ATP6V1C2: variants seen among roughly 807,000 people sequenced by gnomAD.
ATP6V1C2 encodes the protein ATPase H+ transporting V1 subunit C2.
A neutral mutation model predicts 56.8 loss-of-function variants in ATP6V1C2; 45 were observed. The ratio of observed to expected loss-of-function variants is 0.79; its 90% CI spans 0.62 to 1.02. The LOEUF is 1.02. Among genes scored for constraint, ATP6V1C2 ranks in the 50% least tolerant of loss-of-function variants. The probability of loss-of-function intolerance (pLI) is 0.00; values close to 1 mark genes in which losing one functional copy is unlikely to be tolerated. For missense variants in ATP6V1C2, 463 were observed against 519.7 expected (o/e 0.89, Z 1.06); for synonymous variants, 220 against 201.3 (o/e 1.09, Z -0.79).
chr2:10,738,406 G>T (rs1457156046), intron 3 of ATP6V1C2, among the ~76,000 whole-genome samples: 1 of 152,182 alleles, frequency 6.6e-6, no homozygotes, highest in Non-Finnish European at 1.5e-5. Context: ...ATGTTGGCTG[G>T]CCACTTTAGG....
At chr2:10,761,049 C>G (rs1260096526) in intron 4 of ATP6V1C2, among the ~76,000 whole-genome samples, 1 of 152,160 alleles carries the variant, frequency 6.6e-6, no homozygotes, top group Non-Finnish European at 1.5e-5. Flanking sequence ...CCTCGAGGAG[C>G]CTGAGACAGC....
intron 3 of ATP6V1C2, among the ~76,000 whole-genome samples, chr2:10,731,378 C>T (rs1025522415): frequency 6.6e-6 from 1 of 152,158 alleles, no homozygotes; most frequent in African/African-American, 2.4e-5. Flanking sequence ...AGGGCCTGTC[C>T]TGTAAAAGTT....
intron 2 of ATP6V1C2, among the ~76,000 whole-genome samples, chr2:10,726,258 ACAT>A (rs1446309637): frequency 1.3e-5 from 2 of 152,254 alleles, no homozygotes; most frequent in African/African-American, 2.4e-5. Context: ...TCAGATGGTA[ACAT>A]CATAGTCACT....
In ATP6V1C2 at chr2:10,784,881, C is replaced by G; in HGVS notation, c.*1618C>G. The G allele has an allele frequency of 7.6e-7, 1 of 1,307,664 alleles. No individual in the cohort carries two copies. Among genetic ancestry groups the G allele is most frequent in the South Asian group, 1.3e-5 (1 of 79,198 alleles). The allele number at this position is 1,307,664 out of a possible 1,614,324, so 81.0% of individuals were successfully genotyped here. On this transcript the variant is annotated 3_prime_UTR_variant, in exon 14 of 14. Coordinates refer to ENST00000272238, the MANE Select transcript of ATP6V1C2 (RefSeq NM_001039362.2). ...CTCCAGGTGCAGAGATGCACAGGCT[C>G]AAGAGAGTAAACCAGGACTGCTGCC...
At chr2:10,754,328 C>T (rs1216870696) in intron 4 of ATP6V1C2, among the ~76,000 whole-genome samples, 1 of 152,088 alleles carries the variant, frequency 6.6e-6, no homozygotes, top group Non-Finnish European at 1.5e-5. Context: ...CGGGTTCAAG[C>T]GATTCTCCTG....
At chr2:10,722,116 C>T (rs1244348656) in intron 1 of ATP6V1C2, among the ~76,000 whole-genome samples, 1 of 152,118 alleles carries the variant, frequency 6.6e-6, no homozygotes, top group Non-Finnish European at 1.5e-5. Flanking sequence ...AAGGGGGAAC[C>T]TGGCCGAGGG....
chr2:10,778,600 A>T lies in ATP6V1C2; in HGVS notation c.992A>T (p.Asn331Ile). The change falls in exon 12 of 14, where the codon AAC becomes ATC. Residue 331 changes from asparagine to isoleucine, a missense_variant. Coordinates refer to ENST00000272238, the MANE Select transcript of ATP6V1C2 (RefSeq NM_001039362.2). ...EGPLLRWLKV[N>I]FSEAFIAWIH... ...CCCCTGCTGCGCTGGCTCAAGGTGA[A>T]CTTCAGTGAAGCCTTCATTGCCTGG... 1.9e-6 allele frequency: 3 copies of T among 1,614,184 alleles called. No homozygotes were observed. In the South Asian group the frequency reaches 3.3e-5, roughly 18 times the overall value.
Position 10,774,993 on chromosome 2 carries a change from A to T in ATP6V1C2, c.747A>T (p.Glu249Asp). The T allele has an allele frequency of 6.2e-7, 1 of 1,614,126 alleles. No homozygotes were observed. The highest frequency in any genetic ancestry group is 8.5e-7 in the Non-Finnish European group (1 of 1,180,004). The change falls in exon 10 of 14, where the codon GAA becomes GAT. Residue 249 changes from glutamate (E) to aspartate (D), a missense_variant. Glu to Asp is a conservative substitution (Grantham distance 45). Transcript: ENST00000272238. ...KAKENKFTVR[E>D]FYYDEKEIER... ...TTGTTTTAAGGTTCACTGTTCGTGA[A>T]TTTTACTATGATGAGAAGGAAATTG...
intron 3 of ATP6V1C2, among the ~76,000 whole-genome samples, chr2:10,740,116 G>C (rs542617255): frequency 2.6e-5 from 4 of 150,996 alleles, no homozygotes; most frequent in African/African-American, 9.7e-5. Context: ...AAAGAAAGTT[G>C]CATGCCCAGA....
intron 2 of ATP6V1C2, among the ~76,000 whole-genome samples, chr2:10,726,062 A>G (rs1572495006): frequency 6.6e-6 from 1 of 152,228 alleles, no homozygotes; most frequent in South Asian, 2.1e-4. Flanking sequence ...CCTGGGCAAC[A>G]AGAGCGAAAC....
At chr2:10,740,847 C>T (rs983514309) in intron 3 of ATP6V1C2, among the ~76,000 whole-genome samples, 7 of 152,082 alleles carry the variant, frequency 4.6e-5, no homozygotes, top group Non-Finnish European at 7.3e-5. Flanking sequence ...CCACCAGGCC[C>T]GGCTAATTTT....
intron 3 of ATP6V1C2, among the ~76,000 whole-genome samples, chr2:10,741,636 A>G (rs1211305890): frequency 6.6e-6 from 1 of 152,098 alleles, no homozygotes. Context: ...GACTGGCTTT[A>G]GGGGAAGGCT....
intron 3 of ATP6V1C2, among the ~76,000 whole-genome samples, chr2:10,735,729 A>G (rs910376553): frequency 4.8e-5 from 7 of 147,322 alleles, no homozygotes; most frequent in African/African-American, 1.8e-4. Flanking sequence ...GGAGTGTGCC[A>G]CTATGCCTGG....
At chr2:10,722,349 C>A (rs1404100366) in intron 1 of ATP6V1C2, among the ~76,000 whole-genome samples, 1 of 152,048 alleles carries the variant, frequency 6.6e-6, no homozygotes, top group African/African-American at 2.4e-5. Context: ...ATTTTTAAAG[C>A]TAATACCAAT....
intron 12 of ATP6V1C2, 120 bp downstream of exon 12, chr2:10,778,789 T>C: frequency 1.1e-6 from 1 of 937,184 alleles, no homozygotes; most frequent in Non-Finnish European, 1.7e-6. Flanking sequence ...TTTCTGAGAC[T>C]GTGGCTGTTG....
chr2:10,749,629 G>A (rs1273755956), intron 3 of ATP6V1C2, among the ~76,000 whole-genome samples: 1 of 152,190 alleles, frequency 6.6e-6, no homozygotes, highest in East Asian at 1.9e-4. Flanking sequence ...GTGTAGGGTA[G>A]TTTAGTCTTG....
rs1159700460 is a variant in ATP6V1C2, at chr2:10,774,924, C to T, written c.731+44C>T. The T allele has an allele frequency of 2.5e-6, 4 of 1,611,006 alleles. No homozygotes were observed. The South Asian group carries it at 4.4e-5, about 18-fold the overall frequency. On this transcript the variant is annotated intron_variant, in intron 9 of 13. Transcript: ENST00000272238. ...TGGTTCATCTCCCGCTGCGGGGGGTCTCTGCCCCTCTGGAAAGCTTCTGAG... is the reference window on the plus strand; with the variant it reads ...TGGTTCATCTCCCGCTGCGGGGGGTTTCTGCCCCTCTGGAAAGCTTCTGAG...
intron 8 of ATP6V1C2, among the ~76,000 whole-genome samples, chr2:10,774,037 C>T (rs1275846339): frequency 3.9e-5 from 6 of 152,252 alleles, no homozygotes; most frequent in Admixed American, 6.5e-5. Context: ...GGATCCTTGA[C>T]AGGGCCGGCT....
chr2:10,771,867 G>A lies in ATP6V1C2; in HGVS notation c.499G>A (p.Asp167Asn), dbSNP rs1664631766. 1.9e-6 allele frequency: 3 copies of A among 1,614,156 alleles called. No homozygotes were observed. The African/African-American group carries it at 4.0e-5, about 22-fold the overall frequency. ...GAACCTCTTCACCCGGACACTGAGT[G>A]ATATTGTGAGCAAAGAGGACTTCGT... ...MGNLFTRTLS[D>N]IVSKEDFVLD... The change falls in exon 7 of 14, where the codon GAT (aspartate) becomes AAT (asparagine). Residue 167 changes from aspartate to asparagine, a missense_variant. Transcript: ENST00000272238.
Sources: gnomAD v4.1 joint callset for allele counts (sites outside exome capture counted in the v4.1 genomes callset) on GRCh38, gnomAD v4.1.1 for gene constraint, MANE v1.5 for transcripts, NCBI Gene and HGNC (gene_info 2026-07-23, HGNC 2026-07-21) for gene names.